The following XKR4 variants were observed in gnomAD, a reference collection of about 807,000 sequenced individuals.
XKR4 encodes XK related 4, also known as XK-related protein 4.
A neutral mutation model predicts 53.9 loss-of-function variants in XKR4; 12 were observed. The ratio of observed to expected loss-of-function variants is 0.22; its 90% confidence interval spans 0.14 to 0.36. XKR4 has a LOEUF of 0.36. XKR4 is among the 10% of genes least tolerant of loss of function. The pLI, the probability that XKR4 is intolerant of heterozygous loss-of-function variation, is 1.00. For missense variants in XKR4, 799 were observed against 859.5 expected, an observed-to-expected ratio of 0.93 and a Z score of 0.88; for synonymous variants, 354 against 362.4, an observed-to-expected ratio of 0.98 and a Z score of 0.26.
intron 1 of XKR4, among the ~76,000 whole-genome samples, chr8:55,254,140 C>A (rs1818402287): frequency 6.6e-6 from 1 of 151,866 alleles, no homozygotes; most frequent in South Asian, 2.1e-4. Flanking sequence ...TAGATTAATT[C>A]TTTAATCGAG....
At chr8:55,221,298 T>C (rs553017434) in intron 1 of XKR4, among the ~76,000 whole-genome samples, 8 of 152,374 alleles carry the variant, frequency 5.3e-5, no homozygotes, top group African/African-American at 1.9e-4. Context: ...TATGTCAACC[T>C]AATCTCTAAA....
chr8:55,269,063 C>T (rs1272351529), intron 1 of XKR4, among the ~76,000 whole-genome samples: 1 of 152,168 alleles, frequency 6.6e-6, no homozygotes, highest in African/African-American at 2.4e-5. Flanking sequence ...TTGGGGGCTA[C>T]AGCTTCTACT....
intron 2 of XKR4, among the ~76,000 whole-genome samples, chr8:55,487,017 G>A (rs1053807116): frequency 2.0e-5 from 3 of 152,162 alleles, no homozygotes; most frequent in African/African-American, 7.2e-5. Context: ...GGATTTATTA[G>A]GGAAATTGGC....
At chr8:55,105,331 A>C (rs553376944) in intron 1 of XKR4, among the ~76,000 whole-genome samples, 532 of 151,176 alleles carry the variant, frequency 3.5e-3, no homozygotes, top group Non-Finnish European at 6.9e-3. Flanking sequence ...CTTATCATAC[A>C]GAAAAGTTAT....
chr8:55,412,772 C>T (rs80311305), intron 2 of XKR4, among the ~76,000 whole-genome samples: 9,487 of 152,226 alleles, frequency 0.062, 866 homozygotes, highest in African/African-American at 0.2. Flanking sequence ...GTTTCTGTTC[C>T]CACCATGTGT....
At chr8:55,389,924 A>G (rs1260204968) in intron 2 of XKR4, among the ~76,000 whole-genome samples, 2 of 152,170 alleles carry the variant, frequency 1.3e-5, no homozygotes, top group African/African-American at 4.8e-5. Flanking sequence ...TCTCTGACCC[A>G]AGACTCACGT....
intron 2 of XKR4, among the ~76,000 whole-genome samples, chr8:55,479,935 G>C (rs1367978728): frequency 6.6e-6 from 1 of 152,142 alleles, no homozygotes; most frequent in Non-Finnish European, 1.5e-5. Context: ...GAAAAGTCCA[G>C]GACCAGACGG....
At chr8:55,365,851 T>C (rs964423266) in intron 2 of XKR4, among the ~76,000 whole-genome samples, 2 of 152,198 alleles carry the variant, frequency 1.3e-5, no homozygotes, top group Admixed American at 1.3e-4. Context: ...GCTAGAGGAC[T>C]GAAGGAAGAG....
At chr8:55,171,083 T>G (rs946739302) in intron 1 of XKR4, among the ~76,000 whole-genome samples, 5 of 152,204 alleles carry the variant, frequency 3.3e-5, no homozygotes, top group African/African-American at 1.2e-4. Flanking sequence ...TTATATTGCT[T>G]TCTACAGATA....
At chr8:55,257,584 C>T (rs140206720) in intron 1 of XKR4, among the ~76,000 whole-genome samples, 14 of 152,254 alleles carry the variant, frequency 9.2e-5, no homozygotes, top group African/African-American at 1.7e-4. Context: ...CAGTATGTTT[C>T]CTTTCTGCTT....
chr8:55,218,519 TA>T (rs886520479), intron 1 of XKR4, among the ~76,000 whole-genome samples: 8 of 152,248 alleles, frequency 5.3e-5, no homozygotes, highest in African/African-American at 1.9e-4. Context: ...CCACCAGAAT[TA>T]AATTTAAAGG....
chr8:55,459,699 T>C (rs1805620019), intron 2 of XKR4, among the ~76,000 whole-genome samples: 1 of 152,134 alleles, frequency 6.6e-6, no homozygotes, highest in East Asian at 1.9e-4. Context: ...AAACATCTTT[T>C]AGTAACTAGG....
chr8:55,491,033 T>C lies in XKR4; in HGVS notation c.1007-32248T>C, dbSNP rs940367545. ...CAGATGGGTTTTTCCAGCCTTTTTCTCTCTGTGCTTCAGTCTAGATGGTTT... is the reference window on the plus strand; with the variant it reads ...CAGATGGGTTTTTCCAGCCTTTTTCCCTCTGTGCTTCAGTCTAGATGGTTT... On this transcript the variant is annotated intron_variant, in intron 2 of 2. Transcript: ENST00000327381. Among the ~76,000 whole-genome samples, 3 of 152,286 alleles carry C rather than the reference T, an allele frequency of 2.0e-5. No individual in the cohort carries two copies. In the South Asian group the frequency reaches 6.2e-4, roughly 32 times the overall value.
Position 55,525,555 on chromosome 8 carries a change from C to T in XKR4, c.*1328C>T, listed in dbSNP as rs1253597533. On this transcript the variant is annotated 3_prime_UTR_variant, in exon 3 of 3. Transcript: ENST00000327381. The stretch of plus-strand genomic sequence containing the variant: ...AATCATCTGTAAAGTCGCACTCTTA[C>T]AACAAGCTTCTGGGTTTTAAATACC... 6.6e-6 allele frequency: 1 copy of T among 152,620 alleles called. No individual in the cohort carries two copies. Among genetic ancestry groups the T allele is most frequent in the African/African-American group, 2.4e-5 (1 of 41,442 alleles). 9.5% of individuals were successfully genotyped at this position (152,620 alleles called of 1,614,324 possible). A position where few individuals can be genotyped will look rare whatever the true frequency, so the allele number is the denominator to read the frequency against.
At chr8:55,342,377 C>G (rs1240742167) in intron 1 of XKR4, among the ~76,000 whole-genome samples, 2 of 152,130 alleles carry the variant, frequency 1.3e-5, no homozygotes, top group African/African-American at 4.8e-5. Flanking sequence ...ACTCTACACT[C>G]GCTCCCCTTC....
intron 2 of XKR4, chr8:55,449,540 T>C (rs1469266455): frequency 1.4e-6 from 2 of 1,479,598 alleles, no homozygotes; most frequent in Non-Finnish European, 9.4e-7. Context: ...CTGGATCCGG[T>C]CCACCCACTG....
At position 55,461,299 on chromosome 8, in the gene XKR4, C is replaced by T. The variant is rs753148249; in HGVS notation, c.1007-61982C>T. Among the ~76,000 whole-genome samples, 3 of 152,206 alleles carry T rather than the reference C, an allele frequency of 2.0e-5. No individual in the cohort carries two copies. The East Asian group carries it at 5.8e-4, about 29-fold the overall frequency. On this transcript the variant is annotated intron_variant, in intron 2 of 2. Transcript: ENST00000327381. The stretch of plus-strand genomic sequence containing the variant: ...AACTTCCAGAGGAACGATCAGGCAG[C>T]AGCATTTGCAATTCACCAATATCTA...
chr8:55,210,732 A>G (rs541373011), intron 1 of XKR4, among the ~76,000 whole-genome samples: 11 of 152,212 alleles, frequency 7.2e-5, no homozygotes, highest in African/African-American at 1.7e-4. Flanking sequence ...TGAAAGAAAG[A>G]CAATAGCTCT....
At chr8:55,478,783 G>A (rs1367972189) in intron 2 of XKR4, among the ~76,000 whole-genome samples, 25 of 151,362 alleles carry the variant, frequency 1.7e-4, no homozygotes, top group African/African-American at 5.3e-4. Flanking sequence ...TAAACCAACA[G>A]AGATCAAAAG....
Sources: allele counts gnomAD v4.1 joint callset (sites outside exome capture counted in the v4.1 genomes callset), GRCh38; gene constraint gnomAD v4.1.1; transcripts MANE v1.5; gene names NCBI Gene and HGNC (gene_info 2026-07-23, HGNC 2026-07-21).